Variants in CPT1C observed in about 807,000 individuals in gnomAD.
The protein encoded by CPT1C is carnitine palmitoyltransferase 1C, also known as palmitoyl thioesterase CPT1C.
CPT1C carries 61 observed loss-of-function variants against 97.3 expected under a neutral mutation model. The observed-to-expected ratio is 0.63, with a 90% CI of 0.51 to 0.78. CPT1C has a LOEUF of 0.78. CPT1C is among the 30% of genes least tolerant of loss of function. The pLI, the probability that CPT1C is intolerant of heterozygous loss-of-function variation, is 0.00. For missense variants in CPT1C, 975 were observed against 1,065.5 expected, an observed-to-expected ratio of 0.92 and a Z score of 1.18; for synonymous variants, 469 against 447.2, an observed-to-expected ratio of 1.05 and a Z score of -0.61.
At chr19:49,701,830 T>A (rs1600082564) in intron 7 of CPT1C, among the ~76,000 whole-genome samples, 196 bp downstream of exon 7, 1 of 104,672 alleles carries the variant, frequency 9.6e-6, no homozygotes, top group African/African-American at 3.9e-5. Context: ...TATATAAAAA[T>A]ATATATGTAT....
Position 49,706,631 on chromosome 19 carries a change from C to T in CPT1C, c.1343+218C>T, listed in dbSNP as rs751346573. On this transcript the variant is annotated intron_variant, in intron 12 of 19. Coordinates refer to ENST00000598293, the MANE Select transcript of CPT1C (RefSeq NM_001199753.2). The surrounding 1 kb of genome is among the most constrained non-coding windows in gnomAD (Gnocchi z 4.8). ...CAACCTGGGACCCAAGACCTATAAA[C>T]CAGACCCAGTGACCCCCAAATCTGA... Among the ~76,000 whole-genome samples, 1 of 152,036 alleles carries T rather than the reference C, an allele frequency of 6.6e-6. No individual in the cohort carries two copies. The highest frequency in any genetic ancestry group is 1.5e-5 in the Non-Finnish European group (1 of 67,988).
chr19:49,710,002 A>G, intron 14 of CPT1C, among the ~76,000 whole-genome samples: 1 of 151,326 alleles, frequency 6.6e-6, no homozygotes, highest in East Asian at 1.9e-4. Context: ...ACGTGCCACC[A>G]CGGCCAGCTA....
At chr19:49,710,547 T>C (rs2083799619) in intron 15 of CPT1C, 63 bp downstream of exon 15, 1 of 1,597,592 alleles carries the variant, frequency 6.3e-7, no homozygotes, top group Non-Finnish European at 8.6e-7. Context: ...CCCCAAGACC[T>C]GCCCCTCCAC....
intron 13 of CPT1C, among the ~76,000 whole-genome samples, chr19:49,708,484 A>C (rs1020098105): frequency 6.6e-6 from 1 of 152,184 alleles, no homozygotes; most frequent in Non-Finnish European, 1.5e-5. Context: ...CCTGGATGAC[A>C]GAGCAAGACC....
intron 3 of CPT1C, among the ~76,000 whole-genome samples, chr19:49,696,793 C>T (rs1201585236): frequency 2.6e-5 from 4 of 151,890 alleles, no homozygotes; most frequent in Non-Finnish European, 4.4e-5. Context: ...CCACCATGCC[C>T]GGCTAATTTT....
At chr19:49,690,725 A>C, upstream of CPT1C, 9 of 458,246 alleles carry the variant, frequency 2.0e-5, no homozygotes, top group Non-Finnish European at 2.3e-5. The surrounding 1 kb of genome is among the most constrained non-coding windows in gnomAD (Gnocchi z 4.4). Flanking sequence ...TGCCAACTCA[A>C]TCCATGCACC....
In CPT1C at chr19:49,710,500, C is replaced by T. The variant is rs1267082212; in HGVS notation, c.1731+16C>T. ...CCACTTCCGGGTCAGTTGGGTTCCC[C>T]ATCCACAGCCCCCGCAGGGTCTCAG... is the stretch of plus-strand genomic sequence containing the variant. On this transcript the variant is annotated intron_variant, in intron 15 of 19. Transcript: ENST00000598293. The T allele has an allele frequency of 1.2e-6, 2 of 1,614,112 alleles. No homozygotes were observed. Among genetic ancestry groups the T allele is most frequent in the Non-Finnish European group, 1.7e-6 (2 of 1,180,028 alleles).
At chr19:49,708,956 G>A (rs1247278995) in intron 14 of CPT1C, 117 bp downstream of exon 14, 7 of 626,972 alleles carry the variant, frequency 1.1e-5, no homozygotes, top group South Asian at 5.8e-5. Flanking sequence ...CCCCCAACCC[G>A]AAACCCATGC....
intron 10 of CPT1C, among the ~76,000 whole-genome samples, chr19:49,705,557 G>A (rs1023292009): frequency 2.6e-5 from 4 of 152,048 alleles, no homozygotes; most frequent in South Asian, 4.1e-4. Flanking sequence ...CCAGGAGTTC[G>A]AGACCAGCCT....
chr19:49,706,255 A>G lies in CPT1C; in HGVS notation c.1185A>G (p.Thr395=). The change falls in exon 12 of 20, where the codon ACA becomes ACG. Residue 395 remains threonine (T), a synonymous_variant. Coordinates refer to ENST00000598293, the MANE Select transcript of CPT1C (RefSeq NM_001199753.2). This position sits in a 1 kb window ranked among gnomAD's most constrained non-coding sequence, Gnocchi z 4.8. The part of the protein sequence containing the change: ...APRGTWAQVR[T]SLKTQAAEAL... ...GGGGCACGTGGGCCCAGGTGCGGAC[A>G]TCCCTGAAGACCCAGGCAGCGGAGG... is the stretch of plus-strand genomic sequence containing the variant. 1 of 1,540,322 alleles carries G rather than the reference A, an allele frequency of 6.5e-7. No individual in the cohort carries two copies. The highest frequency in any genetic ancestry group is 8.7e-7 in the Non-Finnish European group (1 of 1,146,308).
chr19:49,710,649 G>A, intron 15 of CPT1C, 74 bp from the exon 16 acceptor site: 1 of 1,585,220 alleles, frequency 6.3e-7, no homozygotes, highest in Non-Finnish European at 8.6e-7. Flanking sequence ...TGGAGGTCTG[G>A]ACAGAGATAG....
intron 7 of CPT1C, among the ~76,000 whole-genome samples, chr19:49,703,563 TCCTCCCTCCCTCCCTC>T (rs57669600): frequency 8.1e-5 from 5 of 61,624 alleles, no homozygotes; most frequent in Non-Finnish European, 1.1e-4. Context: ...TGTCTCTCTC[TCCTCCCTCCCTCCCTC>T]CCTCCCTCCC....
chr19:49,713,242 C>T (rs1394365665), intron 19 of CPT1C, 178 bp downstream of exon 19: 1 of 734,364 alleles, frequency 1.4e-6, no homozygotes, highest in Admixed American at 2.9e-5. Context: ...GCCCCCAGCC[C>T]CTCCTCCCTC....
chr19:49,705,142 G>C, intron 9 of CPT1C, 28 bp downstream of exon 9: 1 of 1,613,112 alleles, frequency 6.2e-7, no homozygotes, highest in East Asian at 2.2e-5. Context: ...GGTTAGGGAT[G>C]GAGGTGTGGT....
At chr19:49,695,139 T>G (rs2082592458) in intron 3 of CPT1C, among the ~76,000 whole-genome samples, 1 of 151,622 alleles carries the variant, frequency 6.6e-6, no homozygotes, top group Non-Finnish European at 1.5e-5. Context: ...AGACTCCGTC[T>G]CAAAAAAAAA....
chr19:49,710,794 G>C lies in CPT1C; in HGVS notation c.1803G>C (p.Thr601=). 6.2e-7 allele frequency: 1 copy of C among 1,614,056 alleles called. No individual in the cohort carries two copies. The highest frequency in any genetic ancestry group is 1.1e-5 in the South Asian group (1 of 91,086). Residue 601 remains threonine (T), a synonymous_variant, in exon 16 of 20, where the codon ACG becomes ACC. Coordinates refer to ENST00000598293, the MANE Select transcript of CPT1C (RefSeq NM_001199753.2). ...TRLFLEGRTE[T]VRSCTREACN... ...TATTCCTGGAAGGCCGGACGGAGAC[G>C]GTGCGGTCTTGCACGAGGGAGGCCT... is the stretch of plus-strand genomic sequence containing the variant.
chr19:49,691,046 C>A (rs2082323740), upstream of CPT1C: 1 of 152,004 alleles, frequency 6.6e-6, no homozygotes, highest in Non-Finnish European at 1.5e-5. Flanking sequence ...GGGGATTGGA[C>A]GCCGTGGCTC....
In CPT1C at chr19:49,713,647, G is replaced by C; in HGVS notation, c.*42G>C. 1 of 1,559,290 alleles carries C rather than the reference G, an allele frequency of 6.4e-7. No homozygotes were observed. Among genetic ancestry groups the C allele is most frequent in the Middle Eastern group, 1.7e-4 (1 of 5,794 alleles). ...GCTGGCCTCTCCAAGGAATAAGGGT[G>C]AAATTGCCACAGCTGGCTGACACAG... On this transcript the variant is annotated 3_prime_UTR_variant, in exon 20 of 20. Transcript: ENST00000598293.
rs1161252718 is a variant in CPT1C, at chr19:49,712,821, A to G, written c.2105A>G (p.Tyr702Cys). ...TTTGACGTCCACAATTACCCGGACTATGTTTCCTCAGGCGGTGGATTCGGG... is the reference window on the plus strand; with the variant it reads ...TTTGACGTCCACAATTACCCGGACTGTGTTTCCTCAGGCGGTGGATTCGGG... ...HLFDVHNYPD[Y>C]VSSGGGFGPA... Residue 702 changes from tyrosine (Y) to cysteine (C), a missense_variant, in exon 18 of 20, where the codon TAT becomes TGT. By Grantham distance (194) the Tyr-to-Cys change is radical. Around this residue, in one of 3 missense-constraint regions of CPT1C, gnomAD observed 344 missense variants for 395.7 expected, o/e 0.87. Transcript: ENST00000598293. 9 of 1,611,604 alleles carry G rather than the reference A, an allele frequency of 5.6e-6. No individual in the cohort carries two copies. Among genetic ancestry groups the G allele is most frequent in the East Asian group, 2.2e-5 (1 of 44,668 alleles).
Sources: allele counts gnomAD v4.1 joint callset (sites outside exome capture counted in the v4.1 genomes callset), GRCh38; gene constraint gnomAD v4.1.1; regional missense constraint gnomAD v4.1.1; non-coding constraint Gnocchi (gnomAD v3.1); transcripts MANE v1.5; gene names NCBI Gene and HGNC (gene_info 2026-07-23, HGNC 2026-07-21).